NCAM2: variants seen among roughly 807,000 people sequenced by gnomAD.
The protein encoded by NCAM2 is N-CAM-2.
In NCAM2, 30 loss-of-function variants were observed where a neutral mutation model predicts 98.1. The observed-to-expected ratio is 0.31, with a 90% CI of 0.23 to 0.41. The LOEUF is 0.41. NCAM2 is among the 10% of genes least tolerant of loss of function. The probability of loss-of-function intolerance (pLI) is 1.00; values close to 1 mark genes in which losing one functional copy is unlikely to be tolerated. For missense variants in NCAM2, 867 were observed against 1,005.8 expected, an observed-to-expected ratio of 0.86 and a Z score of 1.87; for synonymous variants, 368 against 342.4, an observed-to-expected ratio of 1.07 and a Z score of -0.83.
At chr21:21,207,528 G>A (rs1445495592) in intron 1 of NCAM2, among the ~76,000 whole-genome samples, 1 of 131,256 alleles carries the variant, frequency 7.6e-6, no homozygotes, top group Admixed American at 8.4e-5. Context: ...TTGAACTAAG[G>A]TGTAAGTTGG....
intron 16 of NCAM2, among the ~76,000 whole-genome samples, chr21:21,524,203 A>G (rs919148711): frequency 6.6e-6 from 1 of 151,954 alleles, no homozygotes; most frequent in African/African-American, 2.4e-5. Context: ...AGGTTTCTAA[A>G]CGGGTATTAC....
At chr21:21,114,188 C>A (rs1214368107) in intron 1 of NCAM2, among the ~76,000 whole-genome samples, 2 of 152,066 alleles carry the variant, frequency 1.3e-5, no homozygotes, top group Non-Finnish European at 2.9e-5. Flanking sequence ...CTCAAATATC[C>A]TGATATATCA....
chr21:21,448,468 T>C (rs1050335565), intron 12 of NCAM2, among the ~76,000 whole-genome samples: 11 of 151,920 alleles, frequency 7.2e-5, no homozygotes, highest in Non-Finnish European at 1.3e-4. Context: ...CATATATACC[T>C]ATGTAATGAA....
At chr21:21,053,945 T>A in intron 1 of NCAM2, among the ~76,000 whole-genome samples, 1 of 1,746 alleles carries the variant, frequency 5.7e-4, no homozygotes, top group Non-Finnish European at 0.5. Flanking sequence ...TAAGCTATTC[T>A]TTTTTTTTTT....
chr21:21,102,550 C>A (rs2066265208), intron 1 of NCAM2, among the ~76,000 whole-genome samples: 1 of 151,954 alleles, frequency 6.6e-6, no homozygotes, highest in Admixed American at 6.6e-5. Context: ...AAAACAATTG[C>A]AGTCAAAAAT....
intron 1 of NCAM2, among the ~76,000 whole-genome samples, chr21:21,208,155 G>A (rs912054844): frequency 1.3e-5 from 2 of 152,116 alleles, no homozygotes; most frequent in Non-Finnish European, 2.9e-5. Flanking sequence ...TTGCTAGAAA[G>A]AATTTTCCAA....
intron 6 of NCAM2, among the ~76,000 whole-genome samples, chr21:21,329,562 G>A (rs1344345174): frequency 6.6e-6 from 1 of 152,094 alleles, no homozygotes; most frequent in Non-Finnish European, 1.5e-5. Context: ...TGCATGGCTG[G>A]AATCAATGTG....
chr21:21,390,025 T>C (rs1259806006), intron 9 of NCAM2, among the ~76,000 whole-genome samples: 1 of 152,152 alleles, frequency 6.6e-6, no homozygotes, highest in Non-Finnish European at 1.5e-5. Flanking sequence ...AATTTTTGTA[T>C]TTTTAGTAGC....
chr21:21,297,734 C>CAAAAAAA (rs34515330), intron 5 of NCAM2, among the ~76,000 whole-genome samples: 1 of 149,846 alleles, frequency 6.7e-6, no homozygotes. Flanking sequence ...CTGTACTACT[C>CAAAAAAA]AAAAAAAAAG....
chr21:21,184,230 A>G (rs989646457), intron 1 of NCAM2, among the ~76,000 whole-genome samples: 5 of 152,064 alleles, frequency 3.3e-5, no homozygotes, highest in African/African-American at 1.2e-4. Flanking sequence ...GAATACAACC[A>G]GGGAATTAGT....
chr21:21,409,586 A>G (rs1057289829), intron 9 of NCAM2, among the ~76,000 whole-genome samples: 2 of 152,222 alleles, frequency 1.3e-5, no homozygotes, highest in Admixed American at 6.5e-5. Flanking sequence ...ATTAGATTTT[A>G]TCCTAAACTC....
At chr21:21,164,789 A>G (rs1379054618) in intron 1 of NCAM2, among the ~76,000 whole-genome samples, 2 of 152,198 alleles carry the variant, frequency 1.3e-5, no homozygotes, top group African/African-American at 2.4e-5. Flanking sequence ...TTAGGGGTCA[A>G]ATAGTGAATC....
chr21:21,300,306 G>A (rs901499223), intron 5 of NCAM2, among the ~76,000 whole-genome samples: 1 of 151,932 alleles, frequency 6.6e-6, no homozygotes, highest in East Asian at 1.9e-4. Context: ...TCCAAATGAG[G>A]CACCTCAAAG....
At chr21:21,273,251 A>G (rs2072597384) in intron 1 of NCAM2, among the ~76,000 whole-genome samples, 1 of 152,200 alleles carries the variant, frequency 6.6e-6, no homozygotes. Flanking sequence ...TGTTTGAGGA[A>G]TAAAGTAGTT....
chr21:21,510,044 T>G (rs1988262100), intron 16 of NCAM2, among the ~76,000 whole-genome samples: 1 of 152,168 alleles, frequency 6.6e-6, no homozygotes, highest in African/African-American at 2.4e-5. Context: ...ACTAGTTGGG[T>G]TCCACAATTA....
chr21:21,096,239 A>ATT (rs979152694), intron 1 of NCAM2, among the ~76,000 whole-genome samples: 4 of 151,480 alleles, frequency 2.6e-5, no homozygotes, highest in African/African-American at 9.7e-5. Context: ...CTATATATAT[A>ATT]TTTTTTTAAT....
At chr21:21,265,594 T>C (rs1297399055) in intron 1 of NCAM2, among the ~76,000 whole-genome samples, 1 of 148,290 alleles carries the variant, frequency 6.7e-6, no homozygotes, top group East Asian at 2.0e-4. Flanking sequence ...TTAAAAAAAA[T>C]GCAGTCATGT....
At chr21:21,274,649 G>A (rs974887978) in intron 1 of NCAM2, among the ~76,000 whole-genome samples, 1 of 152,098 alleles carries the variant, frequency 6.6e-6, no homozygotes, top group African/African-American at 2.4e-5. Context: ...AACATTTTAA[G>A]GAGTAATACT....
intron 8 of NCAM2, among the ~76,000 whole-genome samples, chr21:21,367,832 T>C (rs1291589504): frequency 6.6e-6 from 1 of 151,896 alleles, no homozygotes; most frequent in Non-Finnish European, 1.5e-5. Context: ...TTAGAGATTA[T>C]AGGTGCCACA....
Sources: allele counts gnomAD v4.1 joint callset (sites outside exome capture counted in the v4.1 genomes callset), GRCh38; gene constraint gnomAD v4.1.1; transcripts MANE v1.5; gene names NCBI Gene and HGNC (gene_info 2026-07-23, HGNC 2026-07-21).